NRXN1: variants seen among roughly 807,000 people sequenced by gnomAD.
The protein encoded by NRXN1 is neurexin-1.
NRXN1 carries 39 observed loss-of-function variants against 150.9 expected under a neutral mutation model. That is an observed-to-expected ratio of 0.26 (90% confidence interval 0.20 to 0.34). NRXN1 has a LOEUF of 0.34. NRXN1 is among the 10% of genes least tolerant of loss of function. The probability of loss-of-function intolerance (pLI) is 1.00; values close to 1 mark genes in which losing one functional copy is unlikely to be tolerated. For synonymous variants in NRXN1, 924 were observed against 757.0 expected, an observed-to-expected ratio of 1.22 and a Z score of -3.62; for missense variants, 1,815 against 1,949.9, an observed-to-expected ratio of 0.93 and a Z score of 1.30.
chr2:50,092,765 C>T (rs1461957791), intron 18 of NRXN1, among the ~76,000 whole-genome samples: 1 of 152,094 alleles, frequency 6.6e-6, no homozygotes, highest in Non-Finnish European at 1.5e-5. Flanking sequence ...TCATTATCTC[C>T]TTCATGTAGA....
At chr2:50,867,426 A>G (rs1677108975) in intron 5 of NRXN1, among the ~76,000 whole-genome samples, 1 of 151,838 alleles carries the variant, frequency 6.6e-6, no homozygotes, top group African/African-American at 2.4e-5. Context: ...ACAGACGGAG[A>G]ACTGTGAAGA....
intron 18 of NRXN1, among the ~76,000 whole-genome samples, chr2:50,126,395 T>C (rs1704592278): frequency 6.6e-6 from 1 of 152,036 alleles, no homozygotes; most frequent in African/African-American, 2.4e-5. Flanking sequence ...TAAAAAATAA[T>C]CATATTGGAA....
At chr2:50,914,983 C>A (rs945665937) in intron 5 of NRXN1, among the ~76,000 whole-genome samples, 3 of 151,276 alleles carry the variant, frequency 2.0e-5, no homozygotes, top group Non-Finnish European at 4.4e-5. Flanking sequence ...GACAAATAAA[C>A]AAAATAAATG....
chr2:50,295,908 C>T lies in NRXN1; in HGVS notation c.3365-58938G>A, dbSNP rs567229233. Among the ~76,000 whole-genome samples, 6 of 152,306 alleles carry T rather than the reference C, an allele frequency of 3.9e-5. No homozygotes were observed. The South Asian group carries it at 1.0e-3, about 26-fold the overall frequency. On this transcript the variant is annotated intron_variant, in intron 17 of 22. Transcript: ENST00000401669. ...CCACTACTTACCTGTAAAAGCTTCACCAGTTTATTACAGTAATTTCCCTAG... is the reference window on the plus strand; with the variant it reads ...CCACTACTTACCTGTAAAAGCTTCATCAGTTTATTACAGTAATTTCCCTAG...
intron 17 of NRXN1, among the ~76,000 whole-genome samples, chr2:50,318,468 T>G (rs976672845): frequency 1.3e-5 from 2 of 152,062 alleles, no homozygotes; most frequent in Non-Finnish European, 2.9e-5. Context: ...TTGTGCATGA[T>G]CCAGAGTCAC....
At chr2:50,183,252 T>C (rs376904904) in intron 18 of NRXN1, among the ~76,000 whole-genome samples, 9 of 152,066 alleles carry the variant, frequency 5.9e-5, no homozygotes, top group Non-Finnish European at 7.4e-5. Flanking sequence ...AATAACACAA[T>C]TGAATAAAAA....
chr2:50,042,763 T>C (rs1361156661), intron 21 of NRXN1, among the ~76,000 whole-genome samples: 3 of 152,254 alleles, frequency 2.0e-5, no homozygotes, highest in East Asian at 1.9e-4. Context: ...CTCTAACAGG[T>C]AGATCATTAT....
At chr2:50,898,838 G>T (rs1574866937) in intron 5 of NRXN1, among the ~76,000 whole-genome samples, 1 of 151,406 alleles carries the variant, frequency 6.6e-6, no homozygotes, top group African/African-American at 2.4e-5. Context: ...CAGAATAAAA[G>T]ATTTCTATGG....
Position 51,028,226 on chromosome 2 carries a change from G to A in NRXN1, c.48C>T (p.Leu16=), listed in dbSNP as rs1350623058. ...LQRGGCFLLC[L]SLLLLGCWAE... The stretch of plus-strand genomic sequence containing the variant: ...CCCAGCAGCCCAGGAGCAGCAGCGA[G>A]AGGCACAGAAGAAAACAGCCCCCGC... Residue 16 remains leucine (L), a synonymous_variant, in exon 2 of 23, where the codon CTC becomes CTT. Transcript: ENST00000401669. The A allele has an allele frequency of 1.4e-6, 2 of 1,477,132 alleles. No individual in the cohort carries two copies. The highest frequency in any genetic ancestry group is 1.4e-5 in the African/African-American group (1 of 71,082). 91.5% of individuals were successfully genotyped at this position (1,477,132 alleles called of 1,614,324 possible).
chr2:50,538,947 G>T (rs2093330257), intron 9 of NRXN1, among the ~76,000 whole-genome samples: 1 of 152,120 alleles, frequency 6.6e-6, no homozygotes, highest in Non-Finnish European at 1.5e-5. Flanking sequence ...TAAAAATAAA[G>T]AAACTGTAAT....
intron 17 of NRXN1, among the ~76,000 whole-genome samples, chr2:50,444,370 T>G (rs2086220555): frequency 6.6e-6 from 1 of 152,302 alleles, no homozygotes; most frequent in African/African-American, 2.4e-5. Context: ...GATTAGCCTC[T>G]TGGAAGCTGA....
chr2:50,782,583 A>G (rs554449930), intron 5 of NRXN1, among the ~76,000 whole-genome samples: 1 of 152,264 alleles, frequency 6.6e-6, no homozygotes, highest in East Asian at 1.9e-4. Flanking sequence ...GCTAACAAAG[A>G]ACCCAAAAAT....
At chr2:50,353,841 G>A (rs1217753980) in intron 17 of NRXN1, among the ~76,000 whole-genome samples, 2 of 152,072 alleles carry the variant, frequency 1.3e-5, no homozygotes, top group Non-Finnish European at 2.9e-5. Flanking sequence ...TCAAACTTTA[G>A]TGTGCATAGA....
intron 12 of NRXN1, among the ~76,000 whole-genome samples, chr2:50,527,448 G>A (rs1027528559): frequency 6.6e-6 from 1 of 152,080 alleles, no homozygotes; most frequent in African/African-American, 2.4e-5. Flanking sequence ...TATTTTGTTC[G>A]AGATCTTTTT....
intron 8 of NRXN1, among the ~76,000 whole-genome samples, chr2:50,590,909 A>G (rs940293947): frequency 1.3e-5 from 2 of 152,202 alleles, no homozygotes; most frequent in Non-Finnish European, 2.9e-5. Context: ...AAATACTCTC[A>G]GCAATTGGCT....
At chr2:50,898,740 T>A (rs1682428816) in intron 5 of NRXN1, 1 of 303,132 alleles carries the variant, frequency 3.3e-6, no homozygotes. Flanking sequence ...ATGAATGCTT[T>A]GAAAATACAT....
intron 5 of NRXN1, among the ~76,000 whole-genome samples, chr2:50,772,953 A>T (rs1703187142): frequency 6.6e-6 from 1 of 152,146 alleles, no homozygotes; most frequent in Non-Finnish European, 1.5e-5. Context: ...TCATATTGCC[A>T]ATAAAGAGCA....
At chr2:50,219,222 A>G (rs2063620749) in intron 18 of NRXN1, among the ~76,000 whole-genome samples, 1 of 152,076 alleles carries the variant, frequency 6.6e-6, no homozygotes, top group Admixed American at 6.6e-5. Flanking sequence ...AATTCTATGA[A>G]GATGATAATT....
At chr2:50,370,845 C>T (rs1182577969) in intron 17 of NRXN1, among the ~76,000 whole-genome samples, 2 of 151,930 alleles carry the variant, frequency 1.3e-5, no homozygotes, top group African/African-American at 4.8e-5. Context: ...CTTTGCTCTG[C>T]TCTTGCTAAG....
Sources: allele counts gnomAD v4.1 joint callset (sites outside exome capture counted in the v4.1 genomes callset), GRCh38; gene constraint gnomAD v4.1.1; transcripts MANE v1.5; gene names NCBI Gene and HGNC (gene_info 2026-07-23, HGNC 2026-07-21).